Variants in ODAD2 observed in about 807,000 individuals in gnomAD.
The protein encoded by ODAD2 is outer dynein arm docking complex subunit 2.
Under a neutral mutation model 106.8 loss-of-function variants are expected in ODAD2, and 89 were observed. The ratio of observed to expected loss-of-function variants is 0.83; its 90% CI spans 0.70 to 0.99. The LOEUF is 0.99. Among genes scored for constraint, ODAD2 ranks in the 50% least tolerant of loss-of-function variants. ODAD2 has a pLI of 0.00. For synonymous variants in ODAD2, 404 were observed against 436.2 expected (o/e 0.93, Z 0.92); for missense variants, 1,168 against 1,238.5 (o/e 0.94, Z 0.85).
intron 19 of ODAD2, among the ~76,000 whole-genome samples, chr10:27,847,266 A>C (rs1838848193): frequency 6.6e-6 from 1 of 152,250 alleles, no homozygotes; most frequent in African/African-American, 2.4e-5. Context: ...AGGCTTGTTC[A>C]ACATACGCAA....
At position 27,935,017 on chromosome 10, in the gene ODAD2, T is replaced by G. The variant is rs1342940069; in HGVS notation, c.2488A>C (p.Ser830Arg). 8.1e-6 allele frequency: 13 copies of G among 1,613,824 alleles called. No individual in the cohort carries two copies. The highest frequency in any genetic ancestry group is 1.0e-5 in the Non-Finnish European group (12 of 1,179,824). The change falls in exon 16 of 20, where the codon AGT (serine) becomes CGT (arginine). Residue 830 changes from serine to arginine, a missense_variant. Ser to Arg is a moderately radical substitution (Grantham distance 110). Coordinates refer to ENST00000305242, the MANE Select transcript of ODAD2 (RefSeq NM_018076.5). ...ATCTCCAGGGCCACTTACATCATAC[T>G]TTCAGGTTCTACTGCACAAGCACCA... ...AVGACAVEPE[S>R]MMIIDRLDGV...
intron 1 of ODAD2, among the ~76,000 whole-genome samples, chr10:27,998,601 AGG>A (rs1850697592): frequency 6.7e-6 from 1 of 148,354 alleles, no homozygotes; most frequent in South Asian, 2.2e-4. Flanking sequence ...CCTAGGGCCG[AGG>A]CAGGGTCTCG....
At chr10:27,969,481 A>G (rs1165944233) in intron 8 of ODAD2, among the ~76,000 whole-genome samples, 1 of 152,308 alleles carries the variant, frequency 6.6e-6, no homozygotes, top group South Asian at 2.1e-4. Context: ...AAGAATATGG[A>G]AAAAGCAGTA....
At chr10:27,931,960 C>A (rs533212807) in intron 16 of ODAD2, among the ~76,000 whole-genome samples, 1 of 151,930 alleles carries the variant, frequency 6.6e-6, no homozygotes, top group Non-Finnish European at 1.5e-5. Flanking sequence ...ACCTAACCTA[C>A]TGAACATCAT....
At chr10:27,946,510 CT>C (rs1260914335) in intron 10 of ODAD2, among the ~76,000 whole-genome samples, 1 of 152,072 alleles carries the variant, frequency 6.6e-6, no homozygotes, top group African/African-American at 2.4e-5. Flanking sequence ...TTAAACACAT[CT>C]TTTTTTGTGG....
intron 2 of ODAD2, among the ~76,000 whole-genome samples, chr10:27,988,499 G>A (rs1326173740): frequency 6.6e-6 from 1 of 151,836 alleles, no homozygotes; most frequent in African/African-American, 2.4e-5. Flanking sequence ...ACCATGCCTC[G>A]CTAATTTTTG....
chr10:27,832,514 A>G (rs533096074), intron 19 of ODAD2, among the ~76,000 whole-genome samples: 1 of 151,836 alleles, frequency 6.6e-6, no homozygotes, highest in African/African-American at 2.4e-5. Context: ...CCCCCCACCC[A>G]TGTTGTTCAC....
At chr10:27,995,235 A>G (rs1850489534) in intron 1 of ODAD2, 55 bp from the exon 2 acceptor site, 4 of 1,509,662 alleles carry the variant, frequency 2.6e-6, no homozygotes, top group Admixed American at 4.6e-5. Context: ...TCCTTGGAAC[A>G]TTTTTCATTC....
At chr10:27,834,129 C>T (rs1837684631) in intron 19 of ODAD2, among the ~76,000 whole-genome samples, 1 of 152,200 alleles carries the variant, frequency 6.6e-6, no homozygotes, top group Non-Finnish European at 1.5e-5. Flanking sequence ...AGATGATTGC[C>T]AAGACAAGTC....
chr10:27,938,095 C>T (rs1428107869), intron 14 of ODAD2, among the ~76,000 whole-genome samples: 1 of 152,086 alleles, frequency 6.6e-6, no homozygotes, highest in African/African-American at 2.4e-5. Flanking sequence ...ACCACCACAC[C>T]TGGCTAATTG....
At chr10:27,946,247 T>C (rs1846916185) in intron 10 of ODAD2, among the ~76,000 whole-genome samples, 1 of 149,474 alleles carries the variant, frequency 6.7e-6, no homozygotes, top group Non-Finnish European at 1.5e-5. Flanking sequence ...TATATTTCTA[T>C]ATATAAATAG....
intron 19 of ODAD2, among the ~76,000 whole-genome samples, chr10:27,819,739 T>A (rs1389125150): frequency 6.6e-6 from 1 of 151,318 alleles, no homozygotes; most frequent in Non-Finnish European, 1.5e-5. Context: ...TGCTGTGACC[T>A]CAAAACCCAT....
intron 16 of ODAD2, among the ~76,000 whole-genome samples, chr10:27,932,193 C>T (rs1456673878): frequency 6.6e-6 from 1 of 152,126 alleles, no homozygotes; most frequent in African/African-American, 2.4e-5. Context: ...GCCTCTGCCT[C>T]CCAAAGTACT....
At chr10:27,814,027 A>G (rs1326104097) in intron 19 of ODAD2, among the ~76,000 whole-genome samples, 1 of 152,222 alleles carries the variant, frequency 6.6e-6, no homozygotes, top group East Asian at 1.9e-4. Context: ...AGATGGATTA[A>G]TGATGTTGTA....
At chr10:27,945,064 T>C (rs967904422) in intron 10 of ODAD2, 102 bp from the exon 11 acceptor site, 46 of 1,373,474 alleles carry the variant, frequency 3.3e-5, no homozygotes, top group Middle Eastern at 1.8e-4. Context: ...TGTCTCTGAG[T>C]GGGCTAGAAT....
At chr10:27,964,492 A>G (rs1319310849) in intron 9 of ODAD2, among the ~76,000 whole-genome samples, 3 of 152,214 alleles carry the variant, frequency 2.0e-5, no homozygotes, top group Non-Finnish European at 4.4e-5. Context: ...CCAAACGTGC[A>G]TGGAGGGCCT....
At chr10:27,813,399 A>G (rs1015632523) in intron 19 of ODAD2, 3 of 152,230 alleles carry the variant, frequency 2.0e-5, no homozygotes, top group African/African-American at 7.2e-5. Flanking sequence ...TTTTCAACAG[A>G]TAATTGGCTT....
rs1225338645 is a variant in ODAD2 at position 27,939,142 on chromosome 10, C to A, written c.2097+755G>T. ...CCAGTAAAAAGATAAAACAGGAACA[C>A]ACACACACACACACGCATTCCTCTG... On this transcript the variant is annotated intron_variant, in intron 14 of 19. Transcript: ENST00000305242. 5.9e-5 allele frequency among the ~76,000 whole-genome samples: 9 copies of A among 152,234 alleles called. No individual in the cohort carries two copies. The East Asian group carries it at 1.7e-3, about 29-fold the overall frequency.
chr10:27,917,533 T>C (rs542173677), intron 16 of ODAD2, among the ~76,000 whole-genome samples: 17 of 151,970 alleles, frequency 1.1e-4, no homozygotes, highest in African/African-American at 4.1e-4. Context: ...AAGGCAGATA[T>C]TAATGAAACA....
Sources: gnomAD v4.1 joint callset for allele counts (sites outside exome capture counted in the v4.1 genomes callset) on GRCh38, gnomAD v4.1.1 for gene constraint, MANE v1.5 for transcripts, NCBI Gene and HGNC (gene_info 2026-07-23, HGNC 2026-07-21) for gene names.